Variants in TMEM145 observed in about 807,000 individuals in gnomAD.
TMEM145 encodes the protein transmembrane protein 145.
In TMEM145, 46 loss-of-function variants were observed where a neutral mutation model predicts 68.5. The observed-to-expected ratio is 0.67, with a 90% confidence interval of 0.53 to 0.86. The LOEUF is 0.86. TMEM145 is among the 40% of genes least tolerant of loss of function. The pLI, the probability that TMEM145 is intolerant of heterozygous loss-of-function variation, is 0.00. For missense variants in TMEM145, 570 were observed against 645.8 expected (o/e 0.88, Z 1.27); for synonymous variants, 255 against 280.2 (o/e 0.91, Z 0.90).
Position 42,317,867 on chromosome 19 carries a change from T to C in TMEM145, c.1059T>C (p.Ala353=). 6.2e-7 allele frequency: 1 copy of C among 1,614,202 alleles called. No individual in the cohort carries two copies. Among genetic ancestry groups the C allele is most frequent in the Non-Finnish European group, 8.5e-7 (1 of 1,180,038 alleles). Residue 353 remains alanine (A), a synonymous_variant, in exon 12 of 15, where the codon GCT becomes GCC. Coordinates refer to ENST00000301204, the MANE Select transcript of TMEM145 (RefSeq NM_173633.3). ...EKQPFYVPFF[A]AYTLWFFAVP... is the part of the protein sequence containing the mutation. ...AGCCTTTTTATGTGCCCTTCTTTGC[T>C]GCCTATACCCTCTGGTGAGAATTGG... is the stretch of plus-strand genomic sequence containing the variant.
rs146857815 is a variant in TMEM145, at chr19:42,316,910, T to C, written c.847T>C (p.Tyr283His). 6.2e-7 allele frequency: 1 copy of C among 1,613,816 alleles called. No homozygotes were observed. Among genetic ancestry groups the C allele is most frequent in the African/African-American group, 1.3e-5 (1 of 75,046 alleles). The change falls in exon 11 of 15, where the codon TAC becomes CAC. Residue 283 changes from tyrosine to histidine, a missense_variant. Transcript: ENST00000301204. ...SHAGSVKLSV[Y>H]MTLYTLTHVV... ...CGCGGGCTCCGTGAAGTTGTCTGTC[T>C]ACATGACCCTGTACACGCTCACCCA...
Position 42,313,842 on chromosome 19 carries a change from C to T in TMEM145, c.120+346C>T, listed in dbSNP as rs2038827248. Among the ~76,000 whole-genome samples, 1 of 152,028 alleles carries T rather than the reference C, an allele frequency of 6.6e-6. No homozygotes were observed. Among genetic ancestry groups the T allele is most frequent in the South Asian group, 2.1e-4 (1 of 4,816 alleles). On this transcript the variant is annotated intron_variant, in intron 1 of 14. Coordinates refer to ENST00000301204, the MANE Select transcript of TMEM145 (RefSeq NM_173633.3). The surrounding 1 kb of genome is among the most constrained non-coding windows in gnomAD (Gnocchi z 5.1). ...GAGCCCCGAGCTCGCCGCCACACTC[C>T]CGCTCAGGACCGGGAGGGGGCCGTT...
At chr19:42,319,789 C>T (rs1301752599) in intron 12 of TMEM145, among the ~76,000 whole-genome samples, 3 of 97,358 alleles carry the variant, frequency 3.1e-5, no homozygotes, top group East Asian at 3.3e-4. Context: ...GATGGAGTTT[C>T]GCTCTTGTTG....
At chr19:42,322,598 A>G (rs1423197912) in intron 13 of TMEM145, among the ~76,000 whole-genome samples, 1 of 152,014 alleles carries the variant, frequency 6.6e-6, no homozygotes, top group African/African-American at 2.4e-5. Flanking sequence ...GGTTTCCGGG[A>G]TATGGCGGTG....
chr19:42,316,007 G>A (rs896785746), intron 8 of TMEM145, among the ~76,000 whole-genome samples: 2 of 151,924 alleles, frequency 1.3e-5, no homozygotes, highest in Non-Finnish European at 2.9e-5. Context: ...TCCAACCTGG[G>A]TGACAGAGAG....
At chr19:42,319,626 T>C (rs1273093912) in intron 12 of TMEM145, among the ~76,000 whole-genome samples, 1 of 152,056 alleles carries the variant, frequency 6.6e-6, no homozygotes, top group East Asian at 1.9e-4. Flanking sequence ...TATGTATTTT[T>C]AGTAGAGATG....
chr19:42,320,854 C>A (rs998420195), intron 13 of TMEM145, among the ~76,000 whole-genome samples: 6 of 152,154 alleles, frequency 3.9e-5, no homozygotes, highest in African/African-American at 1.4e-4. Flanking sequence ...GTCTCAAACT[C>A]CTGACCTCAG....
chr19:42,313,833 G>A lies in TMEM145; in HGVS notation c.120+337G>A, dbSNP rs1378343902. On this transcript the variant is annotated intron_variant, in intron 1 of 14. Coordinates refer to ENST00000301204, the MANE Select transcript of TMEM145 (RefSeq NM_173633.3). The surrounding 1 kb of genome is among the most constrained non-coding windows in gnomAD (Gnocchi z 5.1). ...CTCAGCAGAGAGCCCCGAGCTCGCCGCCACACTCCCGCTCAGGACCGGGAG... is the reference window on the plus strand; with the variant it reads ...CTCAGCAGAGAGCCCCGAGCTCGCCACCACACTCCCGCTCAGGACCGGGAG... 5.9e-5 allele frequency among the ~76,000 whole-genome samples: 9 copies of A among 152,142 alleles called. No individual in the cohort carries two copies. In the East Asian group the frequency reaches 1.7e-3, roughly 30 times the overall value.
intron 14 of TMEM145, chr19:42,324,507 G>A (rs1215621249): frequency 3.0e-6 from 3 of 985,264 alleles, no homozygotes; most frequent in Admixed American, 6.1e-5. Flanking sequence ...ACGGCCGGGG[G>A]CACTGCACCC....
chr19:42,322,700 T>G (rs2038922493), intron 13 of TMEM145, among the ~76,000 whole-genome samples: 1 of 151,882 alleles, frequency 6.6e-6, no homozygotes, highest in African/African-American at 2.4e-5. Context: ...TTTATTTATT[T>G]ATTTTAAATT....
At position 42,314,529 on chromosome 19, in the gene TMEM145, G is replaced by T; in HGVS notation, c.273+1G>T. The T allele has an allele frequency of 1.2e-6, 2 of 1,614,194 alleles. No homozygotes were observed. The highest frequency in any genetic ancestry group is 1.7e-6 in the Non-Finnish European group (2 of 1,180,036). On this transcript the variant is annotated splice_donor_variant, in intron 3 of 14. Transcript: ENST00000301204. LOFTEE classifies it high-confidence loss of function. ...AGCCGTGTACAAGGCAGGGGACAAG[G>T]TGAGGGCTGTGAAGAGGGCATAGGG... is the stretch of plus-strand genomic sequence containing the variant.
At chr19:42,322,385 C>T (rs1386832927) in intron 13 of TMEM145, among the ~76,000 whole-genome samples, 1 of 152,142 alleles carries the variant, frequency 6.6e-6, no homozygotes, top group Non-Finnish European at 1.5e-5. Context: ...GCCCCAGATC[C>T]CATACTCAGT....
intron 12 of TMEM145, 52 bp from the exon 13 acceptor site, chr19:42,320,265 T>C: frequency 6.2e-7 from 1 of 1,606,724 alleles, no homozygotes; most frequent in Non-Finnish European, 8.5e-7. Context: ...GGCTATAGGG[T>C]GGGGTGGAGG....
At chr19:42,316,450 A>G (rs1169828709) in intron 8 of TMEM145, 31 bp from the exon 9 acceptor site, 5 of 1,605,758 alleles carry the variant, frequency 3.1e-6, no homozygotes, top group African/African-American at 2.7e-5. Flanking sequence ...GCTGCTTTCT[A>G]TCCTTTCTTA....
In TMEM145 at chr19:42,316,657, C is replaced by T. The variant is rs1266973409; in HGVS notation, c.728-5C>T. On this transcript the variant is annotated splice_region_variant and splice_polypyrimidine_tract_variant and intron_variant, in intron 9 of 14. Coordinates refer to ENST00000301204, the MANE Select transcript of TMEM145 (RefSeq NM_173633.3). ...TCTGAGCCGCCCCCTCCTCCCTTCT[C>T]CCAGCCAAGCTGCTCTTCTCCTCCA... 10 of 1,613,830 alleles carry T rather than the reference C, an allele frequency of 6.2e-6. No individual in the cohort carries two copies. The highest frequency in any genetic ancestry group is 8.5e-6 in the Non-Finnish European group (10 of 1,180,004).
intron 8 of TMEM145, 112 bp downstream of exon 8, chr19:42,315,552 A>G (rs1480813169): frequency 2.1e-5 from 18 of 855,360 alleles, no homozygotes; most frequent in African/African-American, 4.2e-5. Context: ...CTGGGGGAGG[A>G]GGGGCTGGGG....
chr19:42,324,189 G>A (rs1327351227), intron 14 of TMEM145: 1 of 940,764 alleles, frequency 1.1e-6, no homozygotes, highest in Non-Finnish European at 1.3e-6. Context: ...TGGGGTGGAA[G>A]GGTTCTCCGG....
In TMEM145 at chr19:42,314,340, C is replaced by T; in HGVS notation, c.189C>T (p.Tyr63=). 1.2e-6 allele frequency: 2 copies of T among 1,614,104 alleles called. No individual in the cohort carries two copies. Among genetic ancestry groups the T allele is most frequent in the East Asian group, 2.2e-5 (1 of 44,884 alleles). The change falls in exon 2 of 15, where the codon TAC becomes TAT. Residue 63 remains tyrosine (Y), a synonymous_variant. Transcript: ENST00000301204. ...GCCGACTGGACTTCCGTTTCCGCTA[C>T]CCTGAGGTGAGTCTCCCCCAACACT... ...DYGRLDFRFR[Y]PEAKCCQNIL...
At chr19:42,323,232 T>C (rs2038928067) in intron 13 of TMEM145, among the ~76,000 whole-genome samples, 1 of 152,218 alleles carries the variant, frequency 6.6e-6, no homozygotes, top group Non-Finnish European at 1.5e-5. Context: ...GGGTAGTGCA[T>C]AGTGAGTGTG....
Sources: gnomAD v4.1 joint callset for allele counts (sites outside exome capture counted in the v4.1 genomes callset) on GRCh38, gnomAD v4.1.1 for gene constraint, Gnocchi (gnomAD v3.1) non-coding constraint, MANE v1.5 for transcripts, NCBI Gene and HGNC (gene_info 2026-07-23, HGNC 2026-07-21) for gene names.